The following SDK1 variants were observed in gnomAD, a reference collection of about 807,000 sequenced individuals.
SDK1 encodes the protein protein sidekick-1.
SDK1 carries 157 observed loss-of-function variants against 245.5 expected under a neutral mutation model. The ratio of observed to expected loss-of-function variants is 0.64; its 90% confidence interval spans 0.56 to 0.73. The LOEUF is 0.73. Ranked by LOEUF, SDK1 falls within the 30% of genes least tolerant of loss-of-function variation. The pLI, the probability that SDK1 is intolerant of heterozygous loss-of-function variation, is 0.00. For missense variants in SDK1, 3,583 were observed against 3,002.3 expected, an observed-to-expected ratio of 1.19 and a Z score of -4.52; for synonymous variants, 1,647 against 1,278.5, an observed-to-expected ratio of 1.29 and a Z score of -6.15.
chr7:3,754,204 A>C (rs1779854199), intron 4 of SDK1, among the ~76,000 whole-genome samples: 1 of 152,216 alleles, frequency 6.6e-6, no homozygotes, highest in Non-Finnish European at 1.5e-5. Context: ...ATTTTCATAC[A>C]GTTGTCTTGC....
chr7:3,921,340 G>GT (rs1331954206), intron 5 of SDK1, among the ~76,000 whole-genome samples: 1 of 152,084 alleles, frequency 6.6e-6, no homozygotes, highest in Non-Finnish European at 1.5e-5. Flanking sequence ...TTTAGCAAAT[G>GT]TATCATAATT....
intron 1 of SDK1, among the ~76,000 whole-genome samples, chr7:3,378,722 C>T (rs1263004154): frequency 6.6e-6 from 1 of 152,072 alleles, no homozygotes; most frequent in Admixed American, 6.6e-5. Context: ...CGTGAAGGTT[C>T]TCACGCAGGA....
intron 43 of SDK1, among the ~76,000 whole-genome samples, chr7:4,242,746 C>G (rs2128238514): frequency 6.6e-6 from 1 of 152,334 alleles, no homozygotes; most frequent in South Asian, 2.1e-4. Context: ...CACACATCAT[C>G]CAGACCCAGA....
At position 3,780,512 on chromosome 7, in the gene SDK1, G is replaced by T. The variant is rs546654786; in HGVS notation, c.714-40938G>T. On this transcript the variant is annotated intron_variant, in intron 4 of 44. Coordinates refer to ENST00000404826, the MANE Select transcript of SDK1 (RefSeq NM_152744.4). The stretch of plus-strand genomic sequence containing the variant: ...GTCAACTTCATAACCCACATTTAAA[G>T]CTAAGCTGGTTGCCTTCATTAACGT... 2.0e-5 allele frequency among the ~76,000 whole-genome samples: 3 copies of T among 152,276 alleles called. 1 individual carries two copies. The highest frequency in any genetic ancestry group is 7.2e-5 in the African/African-American group (3 of 41,554).
chr7:3,986,731 G>T (rs771194461), intron 13 of SDK1, among the ~76,000 whole-genome samples: 2 of 152,116 alleles, frequency 1.3e-5, no homozygotes, highest in Non-Finnish European at 2.9e-5. Flanking sequence ...CATGGTGGCA[G>T]GCGCCTATAA....
intron 13 of SDK1, among the ~76,000 whole-genome samples, chr7:3,975,136 T>G (rs1782814743): frequency 6.6e-6 from 1 of 152,034 alleles, no homozygotes; most frequent in South Asian, 2.1e-4. Flanking sequence ...CCGTCTCTGC[T>G]CTCTTTCTCC....
chr7:3,421,660 A>T (rs1382531470), intron 1 of SDK1, among the ~76,000 whole-genome samples: 1 of 152,114 alleles, frequency 6.6e-6, no homozygotes, highest in East Asian at 1.9e-4. Context: ...ACAGCTAGAG[A>T]GTATCTCTAG....
intron 4 of SDK1, among the ~76,000 whole-genome samples, chr7:3,729,825 C>T (rs1026066407): frequency 7.3e-5 from 11 of 151,298 alleles, no homozygotes; most frequent in African/African-American, 2.2e-4. Context: ...ATTTAAGAAC[C>T]GAGAAAATCC....
chr7:4,157,664 A>C (rs916212695), intron 30 of SDK1, among the ~76,000 whole-genome samples: 10 of 152,114 alleles, frequency 6.6e-5, no homozygotes, highest in Admixed American at 2.0e-4. Context: ...CTTGACAGGG[A>C]TGTGGTCTTT....
chr7:3,939,421 A>C (rs533587273), intron 5 of SDK1, among the ~76,000 whole-genome samples: 1 of 152,280 alleles, frequency 6.6e-6, no homozygotes, highest in Admixed American at 6.5e-5. Context: ...TAAGAAGGTG[A>C]ACGTGTGGAA....
intron 4 of SDK1, among the ~76,000 whole-genome samples, chr7:3,726,927 T>C (rs975291268): frequency 1.3e-5 from 2 of 152,238 alleles, no homozygotes; most frequent in Non-Finnish European, 2.9e-5. Flanking sequence ...TCAACCACTT[T>C]GCTAGATAGA....
intron 1 of SDK1, among the ~76,000 whole-genome samples, chr7:3,508,511 A>G (rs767003447): frequency 6.6e-6 from 1 of 151,928 alleles, no homozygotes; most frequent in Non-Finnish European, 1.5e-5. Context: ...TATTTTTAGT[A>G]GAGATGGGGT....
intron 5 of SDK1, among the ~76,000 whole-genome samples, chr7:3,910,362 C>G (rs989626309): frequency 6.6e-6 from 1 of 152,214 alleles, no homozygotes; most frequent in African/African-American, 2.4e-5. Context: ...TGTACAAAGA[C>G]TCTCTGTGTT....
chr7:3,538,671 T>G (rs1460563769), intron 1 of SDK1, among the ~76,000 whole-genome samples: 1 of 152,206 alleles, frequency 6.6e-6, no homozygotes, highest in Non-Finnish European at 1.5e-5. Context: ...GGTTTCCTCG[T>G]GTCTGCCCAC....
At chr7:4,067,352 T>C (rs1266597791) in intron 19 of SDK1, among the ~76,000 whole-genome samples, 1 of 152,220 alleles carries the variant, frequency 6.6e-6, no homozygotes, top group East Asian at 1.9e-4. Flanking sequence ...TCCTTCAGGA[T>C]ACCGATTGGG....
At chr7:3,990,170 G>A (rs1409588181) in intron 14 of SDK1, among the ~76,000 whole-genome samples, 5 of 152,248 alleles carry the variant, frequency 3.3e-5, no homozygotes, top group Non-Finnish European at 4.4e-5. Flanking sequence ...CCAGTTCACC[G>A]AGGGAAGGCC....
chr7:4,201,563 C>G (rs1783882775), intron 35 of SDK1, among the ~76,000 whole-genome samples: 1 of 152,228 alleles, frequency 6.6e-6, no homozygotes, highest in African/African-American at 2.4e-5. Flanking sequence ...AGTCAATGGG[C>G]TACAGAAACT....
chr7:3,466,460 A>G (rs545948035), intron 1 of SDK1, among the ~76,000 whole-genome samples: 2 of 146,450 alleles, frequency 1.4e-5, no homozygotes, highest in East Asian at 2.0e-4. Context: ...TTTATCTAGT[A>G]TGCGTCCTAA....
intron 4 of SDK1, among the ~76,000 whole-genome samples, chr7:3,752,192 C>T (rs1779794531): frequency 6.6e-6 from 1 of 152,134 alleles, no homozygotes; most frequent in African/African-American, 2.4e-5. Flanking sequence ...AACTGTTCTC[C>T]ATTAGCTTTT....
Sources: gnomAD v4.1 joint callset for allele counts (sites outside exome capture counted in the v4.1 genomes callset) on GRCh38, gnomAD v4.1.1 for gene constraint, MANE v1.5 for transcripts, NCBI Gene and HGNC (gene_info 2026-07-23, HGNC 2026-07-21) for gene names.